The following PLCZ1 variants were observed in gnomAD, a reference collection of about 807,000 sequenced individuals.
The protein encoded by PLCZ1 is phospholipase C zeta 1.
A neutral mutation model predicts 76.8 loss-of-function variants in PLCZ1; 64 were observed. The observed-to-expected ratio is 0.83, with a 90% CI of 0.68 to 1.03. The LOEUF is 1.03. PLCZ1 is among the 50% of genes least tolerant of loss of function. The pLI is 0.00. For synonymous variants in PLCZ1, 248 were observed against 230.8 expected (o/e 1.07, Z -0.68); for missense variants, 751 against 713.7 (o/e 1.05, Z -0.60).
Position 18,688,106 on chromosome 12 carries a change from C to G in PLCZ1, c.1574G>C (p.Arg525Pro). The G allele has an allele frequency of 1.2e-6, 2 of 1,610,948 alleles. No homozygotes were observed. Among genetic ancestry groups the G allele is most frequent in the Non-Finnish European group, 1.7e-6 (2 of 1,178,822 alleles). ...VPNDQMKQQT[R>P]VIKKNAFSPR... ...GAGCTCACCATTTTTTTTAATTACACGAGTCTGCTGCTTCATTTGATCATT... is the reference window on the plus strand; with the variant it reads ...GAGCTCACCATTTTTTTTAATTACAGGAGTCTGCTGCTTCATTTGATCATT... The change falls in exon 13 of 15, where the codon CGT becomes CCT. Residue 525 changes from arginine (R) to proline (P), a missense_variant. Transcript: ENST00000266505.
At chr12:18,667,679 T>A in the PLCZ1 span, among the ~76,000 whole-genome samples, 2 of 152,334 alleles carry the variant, frequency 1.3e-5, no homozygotes, top group East Asian at 3.9e-4. Context: ...GCTACTGCTT[T>A]ACCCACAGCA....
the PLCZ1 span, among the ~76,000 whole-genome samples, chr12:18,673,451 A>G: frequency 6.6e-6 from 1 of 152,170 alleles, no homozygotes; most frequent in African/African-American, 2.4e-5. Flanking sequence ...ATGGAATTCT[A>G]AAACTATTAG....
the PLCZ1 span, among the ~76,000 whole-genome samples, chr12:18,667,976 A>C: frequency 6.6e-6 from 1 of 151,730 alleles, no homozygotes; most frequent in Admixed American, 6.6e-5. Context: ...CAACAACAAC[A>C]AAAAAAAAAG....
chr12:18,660,432 G>C, the PLCZ1 span, among the ~76,000 whole-genome samples: 1 of 152,092 alleles, frequency 6.6e-6, no homozygotes, highest in Non-Finnish European at 1.5e-5. Flanking sequence ...TGAGATCCAG[G>C]GGGGTTTAAA....
intron 11 of PLCZ1, 94 bp from the exon 12 acceptor site, chr12:18,695,173 G>A (rs2137169634): frequency 8.2e-7 from 1 of 1,225,600 alleles, no homozygotes; most frequent in Non-Finnish European, 1.2e-6. Context: ...TGGATTCTAT[G>A]TCCCCAAATG....
chr12:18,695,151 G>A, intron 11 of PLCZ1, 72 bp from the exon 12 acceptor site: 1 of 1,404,902 alleles, frequency 7.1e-7, no homozygotes, highest in South Asian at 1.2e-5. Context: ...ACCACTTACT[G>A]AAATCTAATA....
At chr12:18,663,072 C>T in the PLCZ1 span, among the ~76,000 whole-genome samples, 3 of 152,028 alleles carry the variant, frequency 2.0e-5, no homozygotes, top group South Asian at 6.2e-4. Context: ...TGGAAAACTA[C>T]CTCAGCATAA....
chr12:18,704,618 C>T (rs575142772), intron 7 of PLCZ1, among the ~76,000 whole-genome samples: 9 of 152,006 alleles, frequency 5.9e-5, no homozygotes, highest in East Asian at 5.8e-4. Flanking sequence ...TGAGTCACTG[C>T]ACCGGGCCAT....
At chr12:18,685,507 T>C in intron 13 of PLCZ1, 1 of 239,056 alleles carries the variant, frequency 4.2e-6, no homozygotes, top group South Asian at 5.1e-5. Flanking sequence ...GAAGCACTGA[T>C]GAATTTCTAA....
intron 3 of PLCZ1, among the ~76,000 whole-genome samples, chr12:18,732,440 C>T (rs1262521235): frequency 6.6e-6 from 1 of 152,168 alleles, no homozygotes; most frequent in South Asian, 2.1e-4. Context: ...GCATGAGCCA[C>T]CACGCCTGGA....
chr12:18,737,520 A>C lies in PLCZ1; in HGVS notation c.-138-11T>G, dbSNP rs1448519268. 1 of 1,072,990 alleles carries C rather than the reference A, an allele frequency of 9.3e-7. No individual in the cohort carries two copies. The allele number at this position is 1,072,990 out of a possible 1,614,324, so 66.5% of individuals were successfully genotyped here. A position where few individuals can be genotyped will look rare whatever the true frequency, so the allele number is the denominator to read the frequency against. ...GCTGTTACCACTTTTCTAGGGAGAA[A>C]GCAGAGAACACACAGTGGTTTTTTT... On this transcript the variant is annotated splice_polypyrimidine_tract_variant and intron_variant, in intron 1 of 14. Coordinates refer to ENST00000266505, the MANE Select transcript of PLCZ1 (RefSeq NM_033123.4).
At chr12:18,716,944 CAA>C (rs1298685910) in intron 5 of PLCZ1, among the ~76,000 whole-genome samples, 4 of 151,944 alleles carry the variant, frequency 2.6e-5, no homozygotes. Flanking sequence ...TCGAGATACA[CAA>C]TGGTTATATC....
the PLCZ1 span, chr12:18,648,432 G>C: frequency 2.9e-4 from 59 of 205,346 alleles, no homozygotes; most frequent in East Asian, 4.1e-3. Context: ...AGGTATATCT[G>C]TAATCAATTT....
At chr12:18,688,553 C>CATATAT (rs138210697) in intron 12 of PLCZ1, among the ~76,000 whole-genome samples, 35 of 146,882 alleles carry the variant, frequency 2.4e-4, no homozygotes, top group African/African-American at 7.7e-4. Context: ...TTTTTGAATT[C>CATATAT]ATATATATAT....
At chr12:18,730,904 C>T (rs1023391566) in intron 3 of PLCZ1, 2 of 151,978 alleles carry the variant, frequency 1.3e-5, no homozygotes, top group African/African-American at 4.8e-5. Context: ...AAGATACTAC[C>T]GGAGGAAAAA....
At chr12:18,686,989 T>C (rs1565650366) in intron 13 of PLCZ1, among the ~76,000 whole-genome samples, 1 of 151,982 alleles carries the variant, frequency 6.6e-6, no homozygotes, top group African/African-American at 2.4e-5. Flanking sequence ...GTGATGAAGA[T>C]TCAAGTAGAG....
downstream of PLCZ1, among the ~76,000 whole-genome samples, chr12:18,680,596 C>A (rs1398161972): frequency 6.6e-6 from 1 of 151,870 alleles, no homozygotes; most frequent in Non-Finnish European, 1.5e-5. Context: ...AAGAATAAAC[C>A]CTCAAAATTA....
At chr12:18,715,269 C>A (rs369037490) in intron 5 of PLCZ1, among the ~76,000 whole-genome samples, 28 of 145,760 alleles carry the variant, frequency 1.9e-4, no homozygotes, top group African/African-American at 6.3e-4. Flanking sequence ...TTGGAAGAAC[C>A]CTGATGAGGA....
chr12:18,725,493 T>G (rs1958700100), intron 3 of PLCZ1, among the ~76,000 whole-genome samples: 1 of 151,694 alleles, frequency 6.6e-6, no homozygotes, highest in Admixed American at 6.6e-5. Flanking sequence ...AGAAAAAAAG[T>G]CAGTATACCA....
Sources: gnomAD v4.1 joint callset for allele counts (sites outside exome capture counted in the v4.1 genomes callset) on GRCh38, gnomAD v4.1.1 for gene constraint, MANE v1.5 for transcripts, NCBI Gene and HGNC (gene_info 2026-07-23, HGNC 2026-07-21) for gene names.